The following CACNA1C variants were observed in gnomAD, a reference collection of about 807,000 sequenced individuals.
CACNA1C encodes the protein calcium voltage-gated channel subunit alpha1 C, also known as voltage-dependent L-type calcium channel subunit alpha-1C.
A neutral mutation model predicts 229.0 loss-of-function variants in CACNA1C; 30 were observed. The ratio of observed to expected loss-of-function variants is 0.13; its 90% confidence interval spans 0.10 to 0.18. The LOEUF (loss-of-function observed/expected upper bound fraction) is 0.18. CACNA1C is among the 10% of genes least tolerant of loss of function. The pLI, the probability that CACNA1C is intolerant of heterozygous loss-of-function variation, is 1.00. For synonymous variants in CACNA1C, 1,114 were observed against 1,132.5 expected (o/e 0.98, Z 0.33); for missense variants, 1,658 against 2,845.0 (o/e 0.58, Z 9.49).
At chr12:2,040,428 A>T (rs1054173617) in intron 1 of CACNA1C, among the ~76,000 whole-genome samples, 8 of 152,210 alleles carry the variant, frequency 5.3e-5, no homozygotes, top group Admixed American at 1.3e-4. Flanking sequence ...TTTCAAGCAG[A>T]AAATGGTTAC....
At chr12:2,316,254 A>G (rs1280007378) in intron 3 of CACNA1C, among the ~76,000 whole-genome samples, 1 of 152,252 alleles carries the variant, frequency 6.6e-6, no homozygotes, top group Non-Finnish European at 1.5e-5. Flanking sequence ...TCTTATCTGT[A>G]TGGTCTTGAG....
intron 3 of CACNA1C, among the ~76,000 whole-genome samples, chr12:2,439,220 C>T (rs192939281): frequency 6.6e-6 from 1 of 152,192 alleles, no homozygotes; most frequent in East Asian, 1.9e-4. Context: ...AGGTGGCTGG[C>T]CTGGGTGGCA....
In CACNA1C at chr12:2,410,572, G is replaced by A. The variant is rs771815804; in HGVS notation, c.478-38404G>A. 6.6e-6 allele frequency among the ~76,000 whole-genome samples: 1 copy of A among 152,100 alleles called. No homozygotes were observed. The highest frequency in any genetic ancestry group is 2.4e-5 in the African/African-American group (1 of 41,410). On this transcript the variant is annotated intron_variant, in intron 3 of 46. Transcript: ENST00000399655. This position sits in a 1 kb window ranked among gnomAD's most constrained non-coding sequence, Gnocchi z 5.3. Reference sequence around the variant, plus strand: ...AAAAGCATCTGGACCCTGTGCATGTGCGTGTGCATGCGTGTGTGTGTTCCA... The same window carrying A: ...AAAAGCATCTGGACCCTGTGCATGTACGTGTGCATGCGTGTGTGTGTTCCA...
intron 1 of CACNA1C, among the ~76,000 whole-genome samples, chr12:2,078,038 G>GT (rs2063879347): frequency 6.6e-6 from 1 of 152,234 alleles, no homozygotes; most frequent in South Asian, 2.1e-4. Flanking sequence ...AAATTCATGT[G>GT]TGGAAGCCCT....
intron 19 of CACNA1C, among the ~76,000 whole-genome samples, chr12:2,594,854 T>C (rs916518976): frequency 6.6e-6 from 1 of 152,224 alleles, no homozygotes; most frequent in Admixed American, 6.5e-5. Flanking sequence ...GGTGTTGGCT[T>C]GGCCTAAAAT....
chr12:2,645,379 G>A (rs1486956222), intron 30 of CACNA1C, among the ~76,000 whole-genome samples: 1 of 152,192 alleles, frequency 6.6e-6, no homozygotes, highest in Non-Finnish European at 1.5e-5. Flanking sequence ...CCCAAGTATT[G>A]ATGGCTACCA....
At chr12:2,552,600 G>A (rs540739164) in intron 10 of CACNA1C, among the ~76,000 whole-genome samples, 5 of 152,298 alleles carry the variant, frequency 3.3e-5, no homozygotes, top group East Asian at 1.9e-4. Context: ...TCACTGCGAC[G>A]TCAGGAAAAG....
intron 3 of CACNA1C, among the ~76,000 whole-genome samples, chr12:2,126,607 G>A (rs2090163844): frequency 6.6e-6 from 1 of 152,230 alleles, no homozygotes; most frequent in African/African-American, 2.4e-5. Flanking sequence ...GAGAAGACGG[G>A]ATGAGGCCAT....
At chr12:2,257,028 G>A (rs1325963857) in intron 3 of CACNA1C, among the ~76,000 whole-genome samples, 1 of 152,166 alleles carries the variant, frequency 6.6e-6, no homozygotes, top group African/African-American at 2.4e-5. Context: ...CAATCAGGAC[G>A]GGGGTGGCTC....
chr12:2,333,095 G>A (rs574268842), intron 3 of CACNA1C, among the ~76,000 whole-genome samples: 7 of 152,300 alleles, frequency 4.6e-5, no homozygotes, highest in East Asian at 3.9e-4. Context: ...GGAAGACTCC[G>A]TGGGGGAAGA....
At chr12:2,211,863 C>T (rs371028605) in intron 3 of CACNA1C, among the ~76,000 whole-genome samples, 23 of 152,050 alleles carry the variant, frequency 1.5e-4, no homozygotes, top group African/African-American at 4.6e-4. Flanking sequence ...GGACTCCAGG[C>T]GCCCACCACC....
intron 1 of CACNA1C, among the ~76,000 whole-genome samples, chr12:2,081,181 G>A (rs1019374360): frequency 1.3e-5 from 2 of 152,180 alleles, no homozygotes; most frequent in Admixed American, 1.3e-4. Context: ...CACAACAGAC[G>A]CCAGAAGACA....
intron 9 of CACNA1C, among the ~76,000 whole-genome samples, chr12:2,516,243 G>T (rs2099796546): frequency 6.6e-6 from 1 of 152,190 alleles, no homozygotes; most frequent in South Asian, 2.1e-4. Flanking sequence ...CCACGCTGAT[G>T]AATCCGGAGC....
At chr12:2,614,406 T>G (rs2079392357) in intron 29 of CACNA1C, 1 of 152,200 alleles carries the variant, frequency 6.6e-6, no homozygotes, top group South Asian at 2.1e-4. Flanking sequence ...CACCACCCAG[T>G]TAGGAGCATC....
chr12:1,994,084 C>T (rs547391504), intron 1 of CACNA1C, among the ~76,000 whole-genome samples: 3 of 152,318 alleles, frequency 2.0e-5, no homozygotes, highest in Admixed American at 2.0e-4. Flanking sequence ...ACTCAATAAA[C>T]CTTGAATGCC....
chr12:2,077,414 A>G (rs7131705), intron 1 of CACNA1C, among the ~76,000 whole-genome samples: 115,539 of 151,954 alleles, frequency 0.76, 44,321 homozygotes, highest in Middle Eastern at 0.83. Flanking sequence ...AAAGAGGAAG[A>G]TGAAGTAGTA....
intron 3 of CACNA1C, among the ~76,000 whole-genome samples, chr12:2,251,878 T>A (rs1411612344): frequency 6.6e-6 from 1 of 152,234 alleles, no homozygotes; most frequent in Non-Finnish European, 1.5e-5. Flanking sequence ...TTTCTCACTC[T>A]GGCCTTCGGT....
At chr12:2,454,024 G>T (rs1296358300) in intron 4 of CACNA1C, among the ~76,000 whole-genome samples, 2 of 152,146 alleles carry the variant, frequency 1.3e-5, no homozygotes, top group Non-Finnish European at 2.9e-5. Flanking sequence ...AGGTCTAAGG[G>T]GGCCCTGCCA....
chr12:2,677,250 C>T lies in CACNA1C; in HGVS notation c.4956+29C>T. On this transcript the variant is annotated intron_variant, in intron 40 of 46. Coordinates refer to ENST00000399655, the MANE Select transcript of CACNA1C (RefSeq NM_000719.7). The surrounding 1 kb of genome is among the most constrained non-coding windows in gnomAD (Gnocchi z 7.4). ...AGGGCCTGGGGGCGGGCCCACACTC[C>T]AGGAAGGTCCTGGTCATTGCCTCTG... is the stretch of plus-strand genomic sequence containing the variant. The T allele has an allele frequency of 1.2e-6, 2 of 1,610,050 alleles. No individual in the cohort carries two copies.
Sources: gnomAD v4.1 joint callset for allele counts (sites outside exome capture counted in the v4.1 genomes callset) on GRCh38, gnomAD v4.1.1 for gene constraint, Gnocchi (gnomAD v3.1) non-coding constraint, MANE v1.5 for transcripts, NCBI Gene and HGNC (gene_info 2026-07-23, HGNC 2026-07-21) for gene names.